Variants in DIPK1B observed in about 807,000 individuals in gnomAD.
The protein encoded by DIPK1B is divergent protein kinase domain 1B, also known as family with sequence similarity 69 member B.
In DIPK1B, 17 loss-of-function variants were observed where a neutral mutation model predicts 20.7. The ratio of observed to expected loss-of-function variants is 0.82; its 90% confidence interval spans 0.56 to 1.23. The LOEUF (loss-of-function observed/expected upper bound fraction) is 1.23. Ranked by LOEUF, DIPK1B falls within the 50% of genes most tolerant of loss-of-function variation. The pLI, the probability that DIPK1B is intolerant of heterozygous loss-of-function variation, is 0.00. For missense variants in DIPK1B, 648 were observed against 601.8 expected (o/e 1.08, Z -0.80); for synonymous variants, 343 against 276.5 (o/e 1.24, Z -2.39).
Position 136,717,624 on chromosome 9 carries a change from G to C in DIPK1B, c.111G>C (p.Leu37=). The C allele has an allele frequency of 6.2e-7, 1 of 1,605,064 alleles. No homozygotes were observed. The highest frequency in any genetic ancestry group is 8.5e-7 in the Non-Finnish European group (1 of 1,179,924). Residue 37 remains leucine (L), a synonymous_variant, in exon 2 of 5, where the codon CTG becomes CTC. Coordinates refer to ENST00000371692, the MANE Select transcript of DIPK1B (RefSeq NM_152421.4). ...LRVRCIFLAW[L]GVFAGSWLVY... The stretch of plus-strand genomic sequence containing the variant: ...TCCGCTGCATCTTCCTGGCCTGGCT[G>C]GGCGTCTTTGCAGGCAGCTGGCTGG...
intron 2 of DIPK1B, among the ~76,000 whole-genome samples, chr9:136,720,353 G>T (rs1161532409): frequency 7.2e-5 from 11 of 152,118 alleles, no homozygotes; most frequent in Non-Finnish European, 1.6e-4. Context: ...GGGGGGCGGG[G>T]ACCCTCCCTC....
At chr9:136,714,540 C>A (rs1393404578) in intron 1 of DIPK1B, among the ~76,000 whole-genome samples, 1 of 152,196 alleles carries the variant, frequency 6.6e-6, no homozygotes, top group African/African-American at 2.4e-5. Context: ...CCATGCTGGG[C>A]CTCCCTGCAT....
chr9:136,719,912 T>C (rs1288940067), intron 2 of DIPK1B, among the ~76,000 whole-genome samples: 4 of 35,880 alleles, frequency 1.1e-4, no homozygotes, highest in African/African-American at 1.7e-4. Flanking sequence ...GGGCTCCGAG[T>C]GCAGGGGGCT....
chr9:136,721,662 G>A (rs562139548), intron 2 of DIPK1B: 3 of 494,722 alleles, frequency 6.1e-6, no homozygotes, highest in Admixed American at 6.7e-5. Flanking sequence ...GGCCTTTGCT[G>A]TGCCGTCCTG....
In DIPK1B at chr9:136,723,216, CCT is replaced by C. The variant is rs764629898; in HGVS notation, c.739_740del (p.Leu247ValfsTer50). ...CCTGGCACGCGGCCGCCCTTCCACC[CCT>C]GTTGCGCCCACTGCTGCCGCCTGCC... ...GAWHAAALPP[L>X]LRPLLPPALQ... On this transcript the variant is annotated frameshift_variant, in exon 5 of 5. Transcript: ENST00000371692. LOFTEE classifies it low-confidence loss of function (END_TRUNC). 205 of 1,612,322 alleles carry C rather than the reference CCT, an allele frequency of 1.3e-4. No individual in the cohort carries two copies. Among genetic ancestry groups the C allele is most frequent in the Non-Finnish European group, 1.5e-4 (173 of 1,179,684 alleles).
chr9:136,718,510 G>GGA (rs1846538209), intron 2 of DIPK1B, among the ~76,000 whole-genome samples: 1 of 152,172 alleles, frequency 6.6e-6, no homozygotes, highest in Admixed American at 6.5e-5. Flanking sequence ...AGCTCAGAGG[G>GGA]GAGGTCATCC....
At position 136,722,311 on chromosome 9, in the gene DIPK1B, C is replaced by G; in HGVS notation, c.483+10C>G. 2 of 1,609,100 alleles carry G rather than the reference C, an allele frequency of 1.2e-6. No individual in the cohort carries two copies. Among genetic ancestry groups the G allele is most frequent in the Non-Finnish European group, 8.5e-7 (1 of 1,177,736 alleles). Reference sequence around the variant, plus strand: ...CCTCAGCTTCCTCAAGGTCAGGCAGCTCTCCTAGGGGGCAGGGCAGGAGTC... The same window carrying G: ...CCTCAGCTTCCTCAAGGTCAGGCAGGTCTCCTAGGGGGCAGGGCAGGAGTC... On this transcript the variant is annotated intron_variant, in intron 4 of 4. Transcript: ENST00000371692.
Position 136,721,984 on chromosome 9 carries a change from ATGG to A in DIPK1B, c.266_268del (p.Val89del), listed in dbSNP as rs1256467204. ...CTGCCAGGACCTGTGTGAGCTGCATATGGTGGAGTGGAGGACCTGCCTCTCGGT... is the reference window on the plus strand; with the variant it reads ...CTGCCAGGACCTGTGTGAGCTGCATATGGAGTGGAGGACCTGCCTCTCGGT... On this transcript the variant is annotated inframe_deletion, in exon 3 of 5. Transcript: ENST00000371692. 4 of 1,612,500 alleles carry A rather than the reference ATGG, an allele frequency of 2.5e-6. No individual in the cohort carries two copies. Among genetic ancestry groups the A allele is most frequent in the Non-Finnish European group, 2.5e-6 (3 of 1,179,804 alleles).
chr9:136,722,418 T>C (rs1324759024), intron 4 of DIPK1B, 117 bp downstream of exon 4: 7 of 1,163,504 alleles, frequency 6.0e-6, no homozygotes, highest in Non-Finnish European at 8.4e-6. Context: ...AAGTGGACCC[T>C]GGGCAGACCT....
In DIPK1B at chr9:136,722,777, A is replaced by G. The variant is rs954790589; in HGVS notation, c.484-185A>G. The G allele has an allele frequency of 2.4e-5, 15 of 636,404 alleles. No homozygotes were observed. The Admixed American group carries it at 3.5e-4, about 15-fold the overall frequency. The allele number at this position is 636,404 out of a possible 1,614,324, so 39.4% of individuals were successfully genotyped here. ...TCTGGCAGCAGCCACACAGGCCAGC[A>G]GAGTGAGCTGACACATTGCTGGCTG... On this transcript the variant is annotated intron_variant, in intron 4 of 4. Transcript: ENST00000371692.
chr9:136,720,184 G>A (rs1484416210), intron 2 of DIPK1B, among the ~76,000 whole-genome samples: 1 of 151,886 alleles, frequency 6.6e-6, no homozygotes, highest in Non-Finnish European at 1.5e-5. Context: ...AAGGTGGAGG[G>A]TTGGACAAGT....
chr9:136,715,188 C>T (rs573695735), intron 1 of DIPK1B, among the ~76,000 whole-genome samples: 147 of 152,226 alleles, frequency 9.7e-4, no homozygotes, highest in Non-Finnish European at 1.2e-3. Flanking sequence ...GGCCCCCAAG[C>T]CTGGGCCCTT....
chr9:136,723,868 G>T lies in DIPK1B; in HGVS notation c.*94G>T, dbSNP rs948140804. The T allele has an allele frequency of 2.3e-6, 3 of 1,312,742 alleles. No individual in the cohort carries two copies. The highest frequency in any genetic ancestry group is 2.4e-5 in the Admixed American group (1 of 42,028). 81.3% of individuals were successfully genotyped at this position (1,312,742 alleles called of 1,614,324 possible). A position where few individuals can be genotyped will look rare whatever the true frequency, so the allele number is the denominator to read the frequency against. ...GGAATCCTGTCAGAAGATGTGAAAT[G>T]CAACTGTGTTGCAAAATCACTCCCC... On this transcript the variant is annotated 3_prime_UTR_variant, in exon 5 of 5. Transcript: ENST00000371692.
chr9:136,720,393 GCAGCTCCCTTCCC>G (rs571127009), intron 2 of DIPK1B, among the ~76,000 whole-genome samples: 24 of 152,192 alleles, frequency 1.6e-4, no homozygotes, highest in African/African-American at 5.8e-4. Flanking sequence ...GGGGTGTTCC[GCAGCTCCCTTCCC>G]CAGCTCCCTC....
rs756320668 is a variant in DIPK1B at position 136,722,230 on chromosome 9, G to A, written c.412G>A (p.Val138Ile). The A allele has an allele frequency of 6.2e-7, 1 of 1,613,942 alleles. No individual in the cohort carries two copies. The highest frequency in any genetic ancestry group is 8.5e-7 in the Non-Finnish European group (1 of 1,179,994). ...GGATGCGGCCCCCCGGCGGGAGCTG[G>A]TACTGTTTGACAAGCCCACCCGGGG... ...RSDAAPRREL[V>I]LFDKPTRGTS... is the part of the protein sequence containing the mutation. The change falls in exon 4 of 5, where the codon GTA becomes ATA. Residue 138 changes from valine to isoleucine, a missense_variant. Val to Ile is a conservative substitution (Grantham distance 29). Transcript: ENST00000371692.
intron 1 of DIPK1B, 60 bp from the exon 2 acceptor site, chr9:136,717,517 A>G (rs1290003745): frequency 1.4e-5 from 22 of 1,562,752 alleles, no homozygotes; most frequent in Non-Finnish European, 1.1e-5. Context: ...AGTGGGGTTG[A>G]GAGCACCCTG....
intron 2 of DIPK1B, among the ~76,000 whole-genome samples, chr9:136,719,412 C>T (rs1458790765): frequency 6.6e-6 from 1 of 152,214 alleles, no homozygotes; most frequent in Non-Finnish European, 1.5e-5. Context: ...AGAGGAGGTT[C>T]CCTGCCCGGC....
Position 136,722,182 on chromosome 9 carries a change from A to T in DIPK1B, c.364A>T (p.Thr122Ser). The T allele has an allele frequency of 6.2e-7, 1 of 1,612,564 alleles. No homozygotes were observed. The highest frequency in any genetic ancestry group is 8.5e-7 in the Non-Finnish European group (1 of 1,179,692). ...AACCATCAAGTGTGGCATTGAGGAG[A>T]CCCTCGACTCCAAGGCCCGGTCGGA... Reference protein sequence around the residue: ...DVTIKCGIEETLDSKARSDAA... With the variant: ...DVTIKCGIEESLDSKARSDAA... The change falls in exon 4 of 5, where the codon ACC becomes TCC. Residue 122 changes from threonine to serine, a missense_variant. By Grantham distance (58) the Thr-to-Ser change is moderately conservative. Transcript: ENST00000371692.
rs771256161 is a variant in DIPK1B, at chr9:136,723,251, G to T, written c.773G>T (p.Gly258Val). 6.2e-7 allele frequency: 1 copy of T among 1,612,508 alleles called. No homozygotes were observed. Among genetic ancestry groups the T allele is most frequent in the East Asian group, 2.2e-5 (1 of 44,874 alleles). The part of the protein sequence containing the change: ...LRPLLPPALQ[G>V]ALQQWLGPAW... Reference sequence around the variant, plus strand: ...CCACTGCTGCCGCCTGCCCTGCAGGGTGCTCTCCAGCAGTGGCTGGGGCCT... The same window carrying T: ...CCACTGCTGCCGCCTGCCCTGCAGGTTGCTCTCCAGCAGTGGCTGGGGCCT... Residue 258 changes from glycine (G) to valine (V), a missense_variant, in exon 5 of 5, where the codon GGT (glycine) becomes GTT (valine). By Grantham distance (109) the Gly-to-Val change is moderately radical. Coordinates refer to ENST00000371692, the MANE Select transcript of DIPK1B (RefSeq NM_152421.4).
Sources: gnomAD v4.1 joint callset for allele counts (sites outside exome capture counted in the v4.1 genomes callset) on GRCh38, gnomAD v4.1.1 for gene constraint, MANE v1.5 for transcripts, NCBI Gene and HGNC (gene_info 2026-07-23, HGNC 2026-07-21) for gene names.